TTN: variants seen among roughly 807,000 people sequenced by gnomAD.
The protein encoded by TTN is connectin.
In TTN, 1,525 loss-of-function variants were observed where a neutral mutation model predicts 3,223.0. The ratio of observed to expected loss-of-function variants is 0.47; its 90% CI spans 0.45 to 0.49. The LOEUF (loss-of-function observed/expected upper bound fraction) is 0.49, where lower values mean the gene tolerates loss of function less well. Among genes scored for constraint, TTN ranks in the 20% least tolerant of loss-of-function variants. The pLI is 0.00. For missense variants in TTN, 40,786 were observed against 43,424.0 expected (o/e 0.94, Z 5.40); for synonymous variants, 14,094 against 15,161.0 (o/e 0.93, Z 5.17).
chr2:178,673,816 G>T, intron 151 of TTN, 106 bp from the exon 152 acceptor site: 1 of 796,198 alleles, frequency 1.3e-6, no homozygotes, highest in Non-Finnish European at 2.0e-6. Flanking sequence ...ATTTTTAAAA[G>T]ATATTAGCAA....
Position 178,688,272 on chromosome 2 carries a change from T to C in TTN, c.32198-48A>G, listed in dbSNP as rs376151467. On this transcript the variant is annotated intron_variant, in intron 126 of 362. Coordinates refer to ENST00000589042, the MANE Select transcript of TTN (RefSeq NM_001267550.2). The stretch of plus-strand genomic sequence containing the variant: ...TAAATTCAGCCTGCTGAGATACAGA[T>C]GTATATACAGCCATGTGGTCACTAC... The C allele has an allele frequency of 4.0e-5, 61 of 1,524,094 alleles. No individual in the cohort carries two copies. In the Middle Eastern group the frequency reaches 6.8e-4, roughly 17 times the overall value. 94.4% of individuals were successfully genotyped at this position (1,524,094 alleles called of 1,614,324 possible).
rs1380124200 is a variant in TTN, at chr2:178,536,932, A to G, written c.100171+6T>C. 2 of 1,589,962 alleles carry G rather than the reference A, an allele frequency of 1.3e-6. No homozygotes were observed. Among genetic ancestry groups the G allele is most frequent in the Non-Finnish European group, 1.7e-6 (2 of 1,164,382 alleles). On this transcript the variant is annotated splice_donor_region_variant and intron_variant, in intron 356 of 362. Coordinates refer to ENST00000589042, the MANE Select transcript of TTN (RefSeq NM_001267550.2). ...TAGGAAGATACAGAAATCAAGTTGT[A>G]CTCACCAAATGGACTCTTAATGATC...
At chr2:178,747,255 C>T (rs753816084) in intron 47 of TTN, 2 of 1,613,070 alleles carry the variant, frequency 1.2e-6, no homozygotes, top group Non-Finnish European at 8.5e-7. Flanking sequence ...GAGTATCTTT[C>T]TCCTACCTCA....
chr2:178,689,001 AGATTTT>A, intron 125 of TTN, 46 bp downstream of exon 125: 1 of 1,384,038 alleles, frequency 7.2e-7, no homozygotes, highest in South Asian at 1.2e-5. Flanking sequence ...ACACACTCGA[AGATTTT>A]TTTTTTTTTT....
chr2:178,546,012 G>C lies in TTN; in HGVS notation c.95224C>G (p.His31742Asp). 1.2e-6 allele frequency: 2 copies of C among 1,613,790 alleles called. No homozygotes were observed. Among genetic ancestry groups the C allele is most frequent in the Non-Finnish European group, 1.7e-6 (2 of 1,179,776 alleles). The change falls in exon 343 of 363, where the codon CAC (histidine) becomes GAC (aspartate). Residue 31742 changes from histidine (H) to aspartate (D), a missense_variant. Coordinates refer to ENST00000589042, the MANE Select transcript of TTN (RefSeq NM_001267550.2). The part of the protein sequence containing the change: ...PQEDGGAEIT[H>D]YIVERRETSR... Reference sequence around the variant, plus strand: ...GTCTCGCGTCTTTCCACGATGTAGTGAGTGATTTCTGCTCCTCCGTCTTCC... The same window carrying C: ...GTCTCGCGTCTTTCCACGATGTAGTCAGTGATTTCTGCTCCTCCGTCTTCC...
At position 178,534,393 on chromosome 2, in the gene TTN, C is replaced by T. The variant is rs748885900; in HGVS notation, c.102222G>A (p.Lys34074=). Residue 34074 remains lysine (K), a synonymous_variant, in exon 358 of 363, where the codon AAG becomes AAA. Coordinates refer to ENST00000589042, the MANE Select transcript of TTN (RefSeq NM_001267550.2). ...TAGTACTGACTCTTTCTATCTTCTG[C>T]TTCAACCATGGGTGCTGGAGAGCCT... ...ASEALQHPWL[K]QKIERVSTKV... The T allele has an allele frequency of 1.9e-6, 3 of 1,610,720 alleles. No individual in the cohort carries two copies. The highest frequency in any genetic ancestry group is 3.3e-5 in the Admixed American group (2 of 60,018).
Position 178,629,349 on chromosome 2 carries a change from G to C in TTN, c.44376C>G (p.Ile14792Met). The part of the protein sequence containing the change: ...TFDCELSYED[I>M]PVEWYLKGKK... Reference sequence around the variant, plus strand: ...TCCCTTTGAGATACCATTCCACTGGGATATCTTCGTAGGAGAGCTCGCAGT... The same window carrying C: ...TCCCTTTGAGATACCATTCCACTGGCATATCTTCGTAGGAGAGCTCGCAGT... The change falls in exon 240 of 363, where the codon ATC becomes ATG. Residue 14792 changes from isoleucine to methionine, a missense_variant. By Grantham distance (10) the Ile-to-Met change is conservative (BLOSUM62 1). Transcript: ENST00000589042. 6.2e-7 allele frequency: 1 copy of C among 1,612,832 alleles called. No homozygotes were observed. The highest frequency in any genetic ancestry group is 8.5e-7 in the Non-Finnish European group (1 of 1,179,286).
intron 43 of TTN, among the ~76,000 whole-genome samples, chr2:178,762,010 C>T (rs2089328918): frequency 6.6e-6 from 1 of 152,104 alleles, no homozygotes; most frequent in Admixed American, 6.5e-5. Flanking sequence ...CAATAGGTAA[C>T]ATTTTCGCTG....
At position 178,730,297 on chromosome 2, in the gene TTN, C is replaced by A. The variant is rs909868763; in HGVS notation, c.18103G>T (p.Val6035Leu). The A allele has an allele frequency of 6.2e-7, 1 of 1,612,004 alleles. No individual in the cohort carries two copies. Among genetic ancestry groups the A allele is most frequent in the Non-Finnish European group, 8.5e-7 (1 of 1,179,002 alleles). Residue 6035 changes from valine to leucine, a missense_variant, in exon 62 of 363, where the codon GTG becomes TTG. Physicochemically the swap from Val to Leu is conservative, Grantham distance 32. Coordinates refer to ENST00000589042, the MANE Select transcript of TTN (RefSeq NM_001267550.2). ...PNTRVQLKAL[V>L]GGTAPMTIKW... ...ATTGTCATGGGTGCAGTGCCACCCA[C>A]AAGAGCCTTTAACTGTACCCTTGTG...
chr2:178,611,590 C>T lies in TTN; in HGVS notation c.50639G>A (p.Gly16880Asp). The T allele has an allele frequency of 1.2e-6, 2 of 1,613,022 alleles. No homozygotes were observed. The highest frequency in any genetic ancestry group is 1.7e-6 in the Non-Finnish European group (2 of 1,179,328). The change falls in exon 269 of 363, where the codon GGT becomes GAT. Residue 16880 changes from glycine to aspartate, a missense_variant. By Grantham distance (94) the Gly-to-Asp change is moderately conservative. Transcript: ENST00000589042. ...ATGGTATCCTATGATAGGACTTCCA[C>T]CATTTTTCTCTGGAGGCTTCCAAGC... is the stretch of plus-strand genomic sequence containing the variant. ...AIAWKPPEKN[G>D]GSPIIGYHVE... is the part of the protein sequence containing the mutation.
chr2:178,599,802 G>C lies in TTN; in HGVS notation c.56099C>G (p.Thr18700Ser), dbSNP rs1265206285. 3 of 1,605,684 alleles carry C rather than the reference G, an allele frequency of 1.9e-6. No homozygotes were observed. Among genetic ancestry groups the C allele is most frequent in the Non-Finnish European group, 1.7e-6 (2 of 1,176,696 alleles). Residue 18700 changes from threonine (T) to serine (S), a missense_variant, in exon 289 of 363, where the codon ACC (threonine) becomes AGC (serine). By Grantham distance (58) the Thr-to-Ser change is moderately conservative (BLOSUM62 1). Coordinates refer to ENST00000589042, the MANE Select transcript of TTN (RefSeq NM_001267550.2). ...AATTTTGGCCACAATGTTAACATTG[G>C]TTCCTTCTTCAACCTCCATGAATTC... Reference protein sequence around the residue: ...LKEFMEVEEGTNVNIVAKIKG... With the variant: ...LKEFMEVEEGSNVNIVAKIKG...
chr2:178,610,385 T>C lies in TTN; in HGVS notation c.51141A>G (p.Leu17047=). ...CTTTAATATCTTTGCATGGTCCAGG[T>C]AGGCCTATTACAAAAATGGATAATT... ...TASINVKVIG[L]PGPCKDIKAS... The change falls in exon 271 of 363, where the codon CTA becomes CTG. Residue 17047 remains leucine, a synonymous_variant. Transcript: ENST00000589042. 1.2e-6 allele frequency: 2 copies of C among 1,607,686 alleles called. No homozygotes were observed. The highest frequency in any genetic ancestry group is 1.7e-6 in the Non-Finnish European group (2 of 1,178,076).
chr2:178,786,059 G>T lies in TTN; in HGVS notation c.2159C>A (p.Pro720His). 1 of 1,614,084 alleles carries T rather than the reference G, an allele frequency of 6.2e-7. No individual in the cohort carries two copies. The highest frequency in any genetic ancestry group is 8.5e-7 in the Non-Finnish European group (1 of 1,180,002). ...AGCATAGGATTCTTCAAGATGCCCAGGCTCTCTGGGCTCTCTGACTCGGGC... is the reference window on the plus strand; with the variant it reads ...AGCATAGGATTCTTCAAGATGCCCATGCTCTCTGGGCTCTCTGACTCGGGC... ...DQARVREPREPGHLEESYAQQ... is the reference protein window; with the variant it reads ...DQARVREPREHGHLEESYAQQ... Residue 720 changes from proline to histidine, a missense_variant, in exon 14 of 363, where the codon CCT (proline) becomes CAT (histidine). Coordinates refer to ENST00000589042, the MANE Select transcript of TTN (RefSeq NM_001267550.2).
At position 178,682,856 on chromosome 2, in the gene TTN, C is replaced by T. The variant is rs1207961271; in HGVS notation, c.32935G>A (p.Glu10979Lys). The change falls in exon 135 of 363, where the codon GAA (glutamate) becomes AAA (lysine). Residue 10979 changes from glutamate (E) to lysine (K), a missense_variant. Physicochemically the swap from Glu to Lys is moderately conservative, Grantham distance 56. Coordinates refer to ENST00000589042, the MANE Select transcript of TTN (RefSeq NM_001267550.2). ...TCTTCCCGTTGTACTGAAACAGCTT[C>T]TTCTTCTAGGGTATAAGCCCTTTCT... ...EKERAYTLEE[E>K]AVSVQREEEY... 1 of 1,612,644 alleles carries T rather than the reference C, an allele frequency of 6.2e-7. No homozygotes were observed. The highest frequency in any genetic ancestry group is 8.5e-7 in the Non-Finnish European group (1 of 1,179,156).
rs778478048 is a variant in TTN at position 178,536,942 on chromosome 2, T to C, written c.100167A>G (p.Pro33389=). The C allele has an allele frequency of 6.9e-6, 11 of 1,601,156 alleles. No homozygotes were observed. Among genetic ancestry groups the C allele is most frequent in the Non-Finnish European group, 8.5e-6 (10 of 1,170,954 alleles). Residue 33389 remains proline, a synonymous_variant, in exon 356 of 363, where the codon CCA becomes CCG. Coordinates refer to ENST00000589042, the MANE Select transcript of TTN (RefSeq NM_001267550.2). ...CAGAAATCAAGTTGTACTCACCAAA[T>C]GGACTCTTAATGATCACAACTGAGG... The part of the protein sequence containing the change: ...EVSSVVIIKS[P]FEKPGAPGKP...
In TTN at chr2:178,799,893, C is replaced by T; in HGVS notation, c.601G>A (p.Ala201Thr). ...LLVQGEEEVP[A>T]KKTKTIVSTA... ...GAAACAATTGTCTTTGTCTTTTTAG[C>T]AGGTACTTCTTCTTCACCTGTGGGA... Residue 201 changes from alanine (A) to threonine (T), a missense_variant, in exon 5 of 363, where the codon GCT becomes ACT. Physicochemically the swap from Ala to Thr is moderately conservative, Grantham distance 58. Coordinates refer to ENST00000589042, the MANE Select transcript of TTN (RefSeq NM_001267550.2). 2 of 1,614,086 alleles carry T rather than the reference C, an allele frequency of 1.2e-6. No homozygotes were observed. The highest frequency in any genetic ancestry group is 1.1e-5 in the South Asian group (1 of 91,078).
chr2:178,776,206 C>T lies in TTN; in HGVS notation c.5658G>A (p.Arg1886=). 1 of 1,614,172 alleles carries T rather than the reference C, an allele frequency of 6.2e-7. No homozygotes were observed. The highest frequency in any genetic ancestry group is 8.5e-7 in the Non-Finnish European group (1 of 1,180,004). ...GGATACCATCATAGCGAACTCTGAA[C>T]CTTTTGCTTTTGCGGATGAGCTGTC... ...LNGQLIRKSK[R]FRVRYDGIHY... is the part of the protein sequence containing the mutation. Residue 1886 remains arginine, a synonymous_variant, in exon 28 of 363, where the codon AGG becomes AGA. Transcript: ENST00000589042.
At chr2:178,682,279 T>C (rs2069610715) in intron 135 of TTN, among the ~76,000 whole-genome samples, 1 of 151,974 alleles carries the variant, frequency 6.6e-6, no homozygotes, top group Non-Finnish European at 1.5e-5. Context: ...ACCCTGTGGG[T>C]AAATACATTT....
In TTN at chr2:178,561,125, A is replaced by C; in HGVS notation, c.85007T>G (p.Val28336Gly). 1.9e-6 allele frequency: 3 copies of C among 1,613,844 alleles called. No homozygotes were observed. The highest frequency in any genetic ancestry group is 2.5e-6 in the Non-Finnish European group (3 of 1,179,822). Residue 28336 changes from valine to glycine, a missense_variant, in exon 326 of 363, where the codon GTT becomes GGT. Transcript: ENST00000589042. ...RVFARNAADS[V>G]SEPSESTGPI... ...CCCAGTGGATTCAGATGGCTCACTA[A>C]CTGAGTCAGCAGCATTCCTTGCAAA...
Sources: gnomAD v4.1 joint callset for allele counts (sites outside exome capture counted in the v4.1 genomes callset) on GRCh38, gnomAD v4.1.1 for gene constraint, MANE v1.5 for transcripts, NCBI Gene and HGNC (gene_info 2026-07-23, HGNC 2026-07-21) for gene names.